The following TSBP1 variants were observed in gnomAD, a reference collection of about 807,000 sequenced individuals.
TSBP1 encodes testis expressed basic protein 1.
TSBP1 carries 56 observed loss-of-function variants against 68.8 expected under a neutral mutation model. That is an observed-to-expected ratio of 0.81 (90% CI 0.66 to 1.02). The LOEUF is 1.02. TSBP1 is among the 50% of genes least tolerant of loss of function. The pLI is 0.00. For missense variants in TSBP1, 502 were observed against 641.2 expected, an observed-to-expected ratio of 0.78 and a Z score of 2.34; for synonymous variants, 171 against 208.7, an observed-to-expected ratio of 0.82 and a Z score of 1.56.
exon 17 of TSBP1, chr6:32,323,611 C>T (rs1562105984): frequency 1.2e-6 from 2 of 1,612,232 alleles, no homozygotes; most frequent in East Asian, 2.2e-5. Flanking sequence ...TGAAGGTGGA[C>T]CAGCTGAAAA....
chr6:32,300,177 T>C (rs535290190), intron 21 of TSBP1, among the ~76,000 whole-genome samples: 1 of 152,312 alleles, frequency 6.6e-6, no homozygotes, highest in African/African-American at 2.4e-5. Flanking sequence ...TAAAATCACT[T>C]CTACTGAAAT....
chr6:32,365,388 C>T lies in TSBP1; in HGVS notation c.217+779G>A. The T allele has an allele frequency of 2.2e-6, 1 of 457,254 alleles. No individual in the cohort carries two copies. Among genetic ancestry groups the T allele is most frequent in the Middle Eastern group, 3.2e-4 (1 of 3,080 alleles). The allele number at this position is 457,254 out of a possible 1,614,324, so 28.3% of individuals were successfully genotyped here. A position where few individuals can be genotyped will look rare whatever the true frequency, so the allele number is the denominator to read the frequency against. ...ATGGTGGCTCATTTGGGGACTCAGC[C>T]TAGATGGGAGAGTGAAATGTGTGAA... On this transcript the variant is annotated intron_variant, in intron 6 of 22. Transcript: ENST00000612031. This position sits in a 1 kb window ranked among gnomAD's most constrained non-coding sequence, Gnocchi z 4.3.
intron 19 of TSBP1, among the ~76,000 whole-genome samples, chr6:32,309,794 T>G (rs1365265149): frequency 6.6e-6 from 1 of 152,156 alleles, no homozygotes; most frequent in African/African-American, 2.4e-5. Context: ...GTACAATAAA[T>G]TTCCTTTGAC....
intron 16 of TSBP1, among the ~76,000 whole-genome samples, chr6:32,328,311 G>A (rs1222659222): frequency 5.3e-5 from 8 of 151,936 alleles, no homozygotes; most frequent in East Asian, 1.9e-4. Context: ...GCAGTGACAC[G>A]ATCTCGGCTC....
Position 32,304,550 on chromosome 6 carries a change from A to G in TSBP1, c.581-1921T>C, listed in dbSNP as rs9268165. Among the ~76,000 whole-genome samples, 32,001 of 152,132 alleles carry G rather than the reference A, an allele frequency of 0.21. 3,554 individuals are homozygous for G. Among genetic ancestry groups the G allele is most frequent in the East Asian group, 0.22 (1,150 of 5,178 alleles). On this transcript the variant is annotated intron_variant, in intron 19 of 22. Transcript: ENST00000612031. The surrounding 1 kb of genome is among the most constrained non-coding windows in gnomAD (Gnocchi z 4.8). ...GAATGGCACGTATGATGGGTTATAT[A>G]AGTGAAGGCCACTTTTTCTAATGAA...
chr6:32,320,771 T>C (rs1767534721), intron 18 of TSBP1, among the ~76,000 whole-genome samples: 2 of 152,180 alleles, frequency 1.3e-5, no homozygotes, highest in Non-Finnish European at 2.9e-5. Flanking sequence ...TGGGGGTTTG[T>C]TGTACAGATT....
intron 8 of TSBP1, among the ~76,000 whole-genome samples, chr6:32,351,514 A>G (rs1214712309): frequency 2.6e-5 from 4 of 152,166 alleles, no homozygotes; most frequent in African/African-American, 7.2e-5. Context: ...AAGAAATATA[A>G]AAGAGAAGTC....
rs890320670 is a variant in TSBP1 at position 32,359,490 on chromosome 6, G to T, written c.218-3821C>A. On this transcript the variant is annotated intron_variant, in intron 6 of 22. Coordinates refer to ENST00000612031, the Ensembl canonical transcript of TSBP1. ...TATCCTTCACCCACTTGTTGATGGG[G>T]TTGTTTGTTTTTTTCTTGTGAATTT... Among the ~76,000 whole-genome samples the T allele has an allele frequency of 5.9e-5, 9 of 152,098 alleles. 1 individual carries two copies. The highest frequency in any genetic ancestry group is 1.4e-4 in the African/African-American group (6 of 41,406).
rs560909444 is a variant in TSBP1 at position 32,347,509 on chromosome 6, CTT to C, written c.349+2229_349+2230del. Reference sequence around the variant, plus strand: ...CTTCTCCAGTAGAAACTCCTGTTGTCTTTGAAGCACATATGAGACTTTACTCT... The same window carrying C: ...CTTCTCCAGTAGAAACTCCTGTTGTCTGAAGCACATATGAGACTTTACTCT... On this transcript the variant is annotated intron_variant, in intron 9 of 22. Coordinates refer to ENST00000612031, the Ensembl canonical transcript of TSBP1. 4.5e-3 allele frequency among the ~76,000 whole-genome samples: 690 copies of C among 152,246 alleles called. 8 individuals carry two copies. The highest frequency in any genetic ancestry group is 4.2e-3 in the Non-Finnish European group (284 of 68,020).
At chr6:32,332,723 C>A (rs1206267495) in intron 14 of TSBP1, among the ~76,000 whole-genome samples, 1 of 152,042 alleles carries the variant, frequency 6.6e-6, no homozygotes, top group Non-Finnish European at 1.5e-5. Context: ...GATCCTCCCA[C>A]CTCAGCCTCT....
In TSBP1 at chr6:32,315,741, CAT is replaced by C; in HGVS notation, c.580+29_580+30del. 1 of 1,452,164 alleles carries C rather than the reference CAT, an allele frequency of 6.9e-7. No homozygotes were observed. Among genetic ancestry groups the C allele is most frequent in the Non-Finnish European group, 9.3e-7 (1 of 1,075,502 alleles). The allele number at this position is 1,452,164 out of a possible 1,614,324, so 90.0% of individuals were successfully genotyped here. On this transcript the variant is annotated intron_variant, in intron 19 of 22. Coordinates refer to ENST00000612031, the Ensembl canonical transcript of TSBP1. This position sits in a 1 kb window ranked among gnomAD's most constrained non-coding sequence, Gnocchi z 5.4. Reference sequence around the variant, plus strand: ...TGGAAACATCTAACATAAATCTCCACATATGACCAGCTGAGAAATAAAGAACT... The same window carrying C: ...TGGAAACATCTAACATAAATCTCCACATGACCAGCTGAGAAATAAAGAACT...
chr6:32,330,507 G>A lies in TSBP1; in HGVS notation c.514+82C>T, dbSNP rs76812894. The stretch of plus-strand genomic sequence containing the variant: ...CTTATGGCAGTGAGACACATCTAGG[G>A]CATTTGAGACAGGGAACAGGCCCTC... On this transcript the variant is annotated intron_variant, in intron 16 of 22. Coordinates refer to ENST00000612031, the Ensembl canonical transcript of TSBP1. 9.3e-3 allele frequency: 12,010 copies of A among 1,289,048 alleles called. 369 individuals are homozygous for A. The highest frequency in any genetic ancestry group is 0.059 in the African/African-American group (3,980 of 67,292). 79.9% of individuals were successfully genotyped at this position (1,289,048 alleles called of 1,614,324 possible).
At chr6:32,339,411 TCTCCTTTC>T (rs1363694206) in intron 10 of TSBP1, 181 bp downstream of exon 11, 1 of 691,288 alleles carries the variant, frequency 1.4e-6, no homozygotes, top group African/African-American at 1.7e-5. Flanking sequence ...TGCAAGTTTT[TCTCCTTTC>T]CTCCATCTTT....
chr6:32,360,940 T>C (rs1772951868), intron 6 of TSBP1, among the ~76,000 whole-genome samples: 1 of 152,086 alleles, frequency 6.6e-6, no homozygotes, highest in Non-Finnish European at 1.5e-5. Flanking sequence ...GCAGGTTTGT[T>C]ACATATATAT....
chr6:32,327,654 C>CTTTTATTTTCTTTCTTTCATT (rs70993815), intron 16 of TSBP1, among the ~76,000 whole-genome samples: 1 of 146,994 alleles, frequency 6.8e-6, no homozygotes, highest in Admixed American at 6.8e-5. Flanking sequence ...TTTTCTTTTT[C>CTTTTATTTTCTTTCTTTCATT]TTTTTTTTTT....
chr6:32,324,272 C>T (rs1210460598), intron 16 of TSBP1: 2 of 267,964 alleles, frequency 7.5e-6, no homozygotes, highest in East Asian at 8.1e-5. Context: ...AAAAAGAGAC[C>T]AGATATGGCA....
At chr6:32,355,239 G>T in intron 7 of TSBP1, 95 bp from the exon 8 acceptor site, 1 of 1,306,200 alleles carries the variant, frequency 7.7e-7, no homozygotes. Context: ...CCCCTTCTCA[G>T]GAGTTAAAGT....
Position 32,335,777 on chromosome 6 carries a change from G to A in TSBP1, c.451+135C>T. 1 of 715,818 alleles carries A rather than the reference G, an allele frequency of 1.4e-6. No individual in the cohort carries two copies. The highest frequency in any genetic ancestry group is 2.4e-6 in the Non-Finnish European group (1 of 420,142). 44.3% of individuals were successfully genotyped at this position (715,818 alleles called of 1,614,324 possible). A position where few individuals can be genotyped will look rare whatever the true frequency, so the allele number is the denominator to read the frequency against. ...TAATCATGACTTACTGAAATGCTAG[G>A]TTGAAGAAAAATAAGGGTTGAAGAA... On this transcript the variant is annotated intron_variant, in intron 13 of 22. Coordinates refer to ENST00000612031, the Ensembl canonical transcript of TSBP1. This position sits in a 1 kb window ranked among gnomAD's most constrained non-coding sequence, Gnocchi z 5.5.
In TSBP1 at chr6:32,335,832, A is replaced by T. The variant is rs183721877; in HGVS notation, c.451+80T>A. 6.5e-3 allele frequency: 7,527 copies of T among 1,158,808 alleles called. 247 individuals are homozygous for T. The highest frequency in any genetic ancestry group is 0.028 in the Middle Eastern group (140 of 5,084). The allele number at this position is 1,158,808 out of a possible 1,614,324, so 71.8% of individuals were successfully genotyped here. ...TGAACTCCAAACCCTTGAAATCCCA[A>T]CATGGAAACCAGGTAGCGATCCCTA... is the stretch of plus-strand genomic sequence containing the variant. On this transcript the variant is annotated intron_variant, in intron 13 of 22. Coordinates refer to ENST00000612031, the Ensembl canonical transcript of TSBP1. This position sits in a 1 kb window ranked among gnomAD's most constrained non-coding sequence, Gnocchi z 5.5.
Sources: allele counts gnomAD v4.1 joint callset (sites outside exome capture counted in the v4.1 genomes callset), GRCh38; gene constraint gnomAD v4.1.1; non-coding constraint Gnocchi (gnomAD v3.1); transcripts MANE v1.5; gene names NCBI Gene and HGNC (gene_info 2026-07-23, HGNC 2026-07-21).